Variants in KCNN3 observed in about 807,000 individuals in gnomAD.
The protein encoded by KCNN3 is potassium calcium-activated channel subfamily N member 3, also known as small conductance calcium-activated potassium channel protein 3.
A neutral mutation model predicts 62.9 loss-of-function variants in KCNN3; 16 were observed. That is an observed-to-expected ratio of 0.25 (90% CI 0.17 to 0.39). KCNN3 has a LOEUF of 0.39. Ranked by LOEUF, KCNN3 falls within the 10% of genes least tolerant of loss-of-function variation. The probability of loss-of-function intolerance (pLI) is 1.00; values close to 1 mark genes in which losing one functional copy is unlikely to be tolerated. For missense variants in KCNN3, 599 were observed against 949.4 expected (o/e 0.63, Z 4.85); for synonymous variants, 370 against 389.2 (o/e 0.95, Z 0.58).
chr1:154,748,361 G>C (rs956192739), intron 3 of KCNN3, among the ~76,000 whole-genome samples: 1 of 152,150 alleles, frequency 6.6e-6, no homozygotes, highest in Non-Finnish European at 1.5e-5. Context: ...AGCGTGACTT[G>C]GAAGCAAAGG....
chr1:154,816,554 C>T (rs528335039), intron 2 of KCNN3, among the ~76,000 whole-genome samples: 41 of 152,310 alleles, frequency 2.7e-4, no homozygotes, highest in Middle Eastern at 3.4e-3. Context: ...CTCTGCTCCA[C>T]GCCTCCGGAT....
At chr1:154,711,088 C>T (rs10908428) in intron 7 of KCNN3, among the ~76,000 whole-genome samples, 92,670 of 151,452 alleles carry the variant, frequency 0.61, 29,379 homozygotes, top group East Asian at 0.8. Flanking sequence ...GACTTGGAAC[C>T]AACCCAAATG....
chr1:154,817,307 C>T (rs1354542677), intron 2 of KCNN3, among the ~76,000 whole-genome samples: 1 of 152,212 alleles, frequency 6.6e-6, no homozygotes, highest in Admixed American at 6.5e-5. Flanking sequence ...CACCACGACC[C>T]CCTAGTCCCA....
At chr1:154,723,025 C>T (rs976338415) in intron 5 of KCNN3, among the ~76,000 whole-genome samples, 3 of 152,146 alleles carry the variant, frequency 2.0e-5, no homozygotes, top group African/African-American at 4.8e-5. Flanking sequence ...CCACCGCACC[C>T]GGCTGCTTAG....
intron 1 of KCNN3, among the ~76,000 whole-genome samples, chr1:154,841,832 T>C (rs1349393731): frequency 6.6e-6 from 1 of 152,164 alleles, no homozygotes; most frequent in Non-Finnish European, 1.5e-5. Context: ...TGTGTGCAGA[T>C]GGCCTATTGG....
At chr1:154,827,962 G>T (rs776198334) in intron 1 of KCNN3, among the ~76,000 whole-genome samples, 2 of 152,094 alleles carry the variant, frequency 1.3e-5, no homozygotes, top group African/African-American at 4.8e-5. Context: ...AAGTCACTCA[G>T]ACCCTCTCTC....
chr1:154,786,617 T>C (rs1649292830), intron 2 of KCNN3, among the ~76,000 whole-genome samples: 1 of 152,226 alleles, frequency 6.6e-6, no homozygotes, highest in Non-Finnish European at 1.5e-5. Context: ...AAAATGCCCA[T>C]ATATGTGTAT....
rs552700038 is a variant in KCNN3, at chr1:154,823,348, G to C, written c.934-1164C>G. ...CTGCACTTGGTCCTGAGTGGTGCAC[G>C]CCACAAAAGAAACATTCCCTTCCTC... On this transcript the variant is annotated intron_variant, in intron 1 of 7. Transcript: ENST00000271915. 4.6e-5 allele frequency among the ~76,000 whole-genome samples: 7 copies of C among 152,276 alleles called. No individual in the cohort carries two copies. In the South Asian group the frequency reaches 8.3e-4, roughly 18 times the overall value.
At chr1:154,795,680 C>T (rs576085110) in intron 2 of KCNN3, among the ~76,000 whole-genome samples, 1 of 152,318 alleles carries the variant, frequency 6.6e-6, no homozygotes, top group South Asian at 2.1e-4. Flanking sequence ...ATGCATGAGG[C>T]TCCGTGGGGG....
At chr1:154,855,339 T>C (rs1000763211) in intron 1 of KCNN3, among the ~76,000 whole-genome samples, 5 of 152,218 alleles carry the variant, frequency 3.3e-5, no homozygotes, top group Non-Finnish European at 4.4e-5. Flanking sequence ...TTACAAAGCC[T>C]ACACTAGTCT....
intron 3 of KCNN3, among the ~76,000 whole-genome samples, chr1:154,737,379 T>G (rs1373711015): frequency 6.6e-6 from 1 of 152,186 alleles, no homozygotes; most frequent in Non-Finnish European, 1.5e-5. Flanking sequence ...AAAGACTGTA[T>G]GACTTGGCAA....
At chr1:154,855,734 T>C (rs372976611) in intron 1 of KCNN3, among the ~76,000 whole-genome samples, 1 of 152,196 alleles carries the variant, frequency 6.6e-6, no homozygotes, top group East Asian at 1.9e-4. Flanking sequence ...CCTAGAACAA[T>C]ACACTGGCAC....
At chr1:154,795,933 C>G (rs995095144) in intron 2 of KCNN3, among the ~76,000 whole-genome samples, 1 of 152,192 alleles carries the variant, frequency 6.6e-6, no homozygotes, top group African/African-American at 2.4e-5. Context: ...ATCTGCCCCC[C>G]TGGGGAGTCT....
chr1:154,818,648 C>T (rs544454791), intron 2 of KCNN3, among the ~76,000 whole-genome samples: 1 of 152,180 alleles, frequency 6.6e-6, no homozygotes, highest in African/African-American at 2.4e-5. Context: ...AGCAACGTAG[C>T]GCCGTCTTGG....
intron 4 of KCNN3, among the ~76,000 whole-genome samples, chr1:154,731,567 C>T (rs1472861603): frequency 6.6e-6 from 1 of 152,220 alleles, no homozygotes; most frequent in Non-Finnish European, 1.5e-5. Flanking sequence ...CGCTGTGAGG[C>T]GTTCACTCAG....
At chr1:154,827,788 G>C (rs539549672) in intron 1 of KCNN3, among the ~76,000 whole-genome samples, 1 of 152,056 alleles carries the variant, frequency 6.6e-6, no homozygotes, top group Non-Finnish European at 1.5e-5. Context: ...GACAGAGCAA[G>C]ACTCTGTCTC....
intron 3 of KCNN3, among the ~76,000 whole-genome samples, chr1:154,764,779 GT>G (rs1266306451): frequency 5.3e-5 from 8 of 152,130 alleles, no homozygotes; most frequent in Non-Finnish European, 1.0e-4. Flanking sequence ...AGAATTTGGA[GT>G]TTTGCAACTA....
chr1:154,783,073 C>T (rs1481790409), intron 2 of KCNN3, among the ~76,000 whole-genome samples: 1 of 152,018 alleles, frequency 6.6e-6, no homozygotes, highest in Admixed American at 6.5e-5. Flanking sequence ...ACTAGCCGGG[C>T]GTGGTGGTGG....
intron 7 of KCNN3, among the ~76,000 whole-genome samples, chr1:154,711,139 T>G (rs1332104658): frequency 2.6e-5 from 4 of 151,746 alleles, no homozygotes; most frequent in African/African-American, 4.8e-5. Flanking sequence ...GTGGCACATA[T>G]ACACCATGGA....
Sources: allele counts gnomAD v4.1 joint callset (sites outside exome capture counted in the v4.1 genomes callset), GRCh38; gene constraint gnomAD v4.1.1; transcripts MANE v1.5; gene names NCBI Gene and HGNC (gene_info 2026-07-23, HGNC 2026-07-21).